The following SPOCK1 variants were observed in gnomAD, a reference collection of about 807,000 sequenced individuals.
SPOCK1 encodes the protein testican-1.
Under a neutral mutation model 55.3 loss-of-function variants are expected in SPOCK1, and 23 were observed. The ratio of observed to expected loss-of-function variants is 0.42; its 90% CI spans 0.30 to 0.59. The LOEUF (loss-of-function observed/expected upper bound fraction) is 0.59. Among genes scored for constraint, SPOCK1 ranks in the 20% least tolerant of loss-of-function variants. The pLI is 0.22. For missense variants in SPOCK1, 499 were observed against 552.5 expected (o/e 0.90, Z 0.97); for synonymous variants, 226 against 221.0 (o/e 1.02, Z -0.20).
chr5:137,463,528 G>C (rs933022418), intron 2 of SPOCK1, among the ~76,000 whole-genome samples: 35 of 151,786 alleles, frequency 2.3e-4, no homozygotes, highest in Non-Finnish European at 4.7e-4. Context: ...AAGGGTAGTG[G>C]GGGGGTGTTG....
At chr5:137,168,624 T>G (rs1338231210) in intron 3 of SPOCK1, among the ~76,000 whole-genome samples, 1 of 152,146 alleles carries the variant, frequency 6.6e-6, no homozygotes, top group East Asian at 1.9e-4. Flanking sequence ...TCACTGATCA[T>G]CAGCGAAATG....
At chr5:136,979,296 G>A (rs201374496) in intron 10 of SPOCK1, 36 bp downstream of exon 10, 603 of 1,613,002 alleles carry the variant, frequency 3.7e-4, no homozygotes, top group Admixed American at 1.3e-3. Context: ...AGGCCACCCA[G>A]GTCATTGTGG....
chr5:137,094,334 C>T (rs1046496208), intron 5 of SPOCK1, among the ~76,000 whole-genome samples: 4 of 152,186 alleles, frequency 2.6e-5, no homozygotes, highest in East Asian at 1.9e-4. Context: ...CTATTCACCA[C>T]TATTAAACCA....
At chr5:136,992,622 A>G in intron 6 of SPOCK1, 22 bp from the exon 7 acceptor site, 1 of 1,592,542 alleles carries the variant, frequency 6.3e-7, no homozygotes, top group African/African-American at 1.3e-5. Context: ...CAAACAGAAC[A>G]GACAATGGGG....
chr5:137,122,578 T>C lies in SPOCK1; in HGVS notation c.348-10017A>G, dbSNP rs921894569. ...AGGTCCATCTCTATCCCTGAGACCT[T>C]AGAGGAAATCTTTAGCAATGGACAC... On this transcript the variant is annotated intron_variant, in intron 4 of 10. Transcript: ENST00000394945. Among the ~76,000 whole-genome samples, 3 of 152,168 alleles carry C rather than the reference T, an allele frequency of 2.0e-5. No homozygotes were observed. In the East Asian group the frequency reaches 5.8e-4, roughly 29 times the overall value.
intron 6 of SPOCK1, among the ~76,000 whole-genome samples, chr5:136,997,106 G>T (rs1294068317): frequency 1.3e-5 from 2 of 152,116 alleles, no homozygotes; most frequent in Non-Finnish European, 2.9e-5. Context: ...GTTTCTACAC[G>T]TTATGACGTA....
At chr5:137,105,770 C>T (rs1249614807) in intron 5 of SPOCK1, among the ~76,000 whole-genome samples, 1 of 152,228 alleles carries the variant, frequency 6.6e-6, no homozygotes, top group Non-Finnish European at 1.5e-5. Context: ...AAACATTTTC[C>T]TCCACAGCAG....
At chr5:137,086,657 C>T (rs758794853) in intron 5 of SPOCK1, among the ~76,000 whole-genome samples, 1 of 152,196 alleles carries the variant, frequency 6.6e-6, no homozygotes, top group Non-Finnish European at 1.5e-5. Flanking sequence ...GTAGGTCATG[C>T]AAGCAATGTC....
intron 3 of SPOCK1, among the ~76,000 whole-genome samples, chr5:137,219,046 T>C (rs530181381): frequency 9.9e-5 from 15 of 152,274 alleles, no homozygotes; most frequent in African/African-American, 3.6e-4. Context: ...GAAACCTGTT[T>C]TATACAAAGC....
intron 2 of SPOCK1, among the ~76,000 whole-genome samples, chr5:137,315,460 C>T (rs1192920847): frequency 6.6e-6 from 1 of 152,184 alleles, no homozygotes; most frequent in Non-Finnish European, 1.5e-5. Context: ...ACCCCCCCAC[C>T]ATCTCCACTT....
chr5:137,244,153 T>C (rs1756349862), intron 3 of SPOCK1, among the ~76,000 whole-genome samples: 1 of 152,120 alleles, frequency 6.6e-6, no homozygotes, highest in Admixed American at 6.5e-5. Flanking sequence ...GAAAGGCACA[T>C]AAAAATAACA....
At chr5:137,490,357 G>A (rs1300020224) in intron 2 of SPOCK1, among the ~76,000 whole-genome samples, 1 of 152,204 alleles carries the variant, frequency 6.6e-6, no homozygotes, top group Non-Finnish European at 1.5e-5. Context: ...GACTGCCTGA[G>A]TGCCAAGAAG....
chr5:137,260,714 G>C (rs1478010819), intron 3 of SPOCK1, among the ~76,000 whole-genome samples: 1 of 152,224 alleles, frequency 6.6e-6, no homozygotes, highest in Non-Finnish European at 1.5e-5. Context: ...CTGAGTTAAA[G>C]TAGGAGCATA....
chr5:137,400,050 A>T (rs1751943009), intron 2 of SPOCK1, among the ~76,000 whole-genome samples: 1 of 152,242 alleles, frequency 6.6e-6, no homozygotes, highest in South Asian at 2.1e-4. Context: ...AGCAGGTCTC[A>T]TCCACCAAAC....
chr5:137,321,743 T>G (rs1021912751), intron 2 of SPOCK1, among the ~76,000 whole-genome samples: 39 of 151,932 alleles, frequency 2.6e-4, no homozygotes, highest in African/African-American at 8.0e-4. Context: ...CCAGGCATGG[T>G]AGCAGGTGAC....
At chr5:136,985,772 C>T (rs1275610719) in intron 8 of SPOCK1, among the ~76,000 whole-genome samples, 1 of 152,178 alleles carries the variant, frequency 6.6e-6, no homozygotes, top group Non-Finnish European at 1.5e-5. Context: ...CTGAATTCAC[C>T]TGTCCCAGCC....
chr5:137,455,870 A>C (rs1227263665), intron 2 of SPOCK1, among the ~76,000 whole-genome samples: 1 of 152,024 alleles, frequency 6.6e-6, no homozygotes, highest in Non-Finnish European at 1.5e-5. Flanking sequence ...CTCTGCAAAA[A>C]GTAGAAATAA....
intron 3 of SPOCK1, among the ~76,000 whole-genome samples, chr5:137,247,657 T>G (rs1024414539): frequency 1.3e-5 from 2 of 152,192 alleles, no homozygotes; most frequent in Non-Finnish European, 2.9e-5. Context: ...GGGTAATTTA[T>G]AAAGCAAAGA....
intron 2 of SPOCK1, among the ~76,000 whole-genome samples, chr5:137,475,046 T>G (rs1432241544): frequency 2.6e-5 from 4 of 152,158 alleles, no homozygotes; most frequent in Non-Finnish European, 5.9e-5. Context: ...TACACTGAGC[T>G]AGCCGGCAGA....
Sources: allele counts gnomAD v4.1 joint callset (sites outside exome capture counted in the v4.1 genomes callset), GRCh38; gene constraint gnomAD v4.1.1; transcripts MANE v1.5; gene names NCBI Gene and HGNC (gene_info 2026-07-23, HGNC 2026-07-21).